The following PREX1 variants were observed in gnomAD, a reference collection of about 807,000 sequenced individuals.
The protein encoded by PREX1 is phosphatidylinositol-3,4,5-trisphosphate dependent Rac exchange factor 1, also known as phosphatidylinositol 3,4,5-trisphosphate-dependent Rac exchanger 1 protein.
PREX1 carries 41 observed loss-of-function variants against 198.3 expected under a neutral mutation model. The observed-to-expected ratio is 0.21, with a 90% CI of 0.16 to 0.27. The LOEUF is 0.27. Ranked by LOEUF, PREX1 falls within the 10% of genes least tolerant of loss-of-function variation. PREX1 has a pLI of 1.00. For missense variants in PREX1, 1,620 were observed against 2,200.7 expected (o/e 0.74, Z 5.28); for synonymous variants, 843 against 887.2 (o/e 0.95, Z 0.89).
the PREX1 span, among the ~76,000 whole-genome samples, chr20:48,862,790 A>AATATATATATATAT: frequency 3.6e-4 from 37 of 102,536 alleles, no homozygotes; most frequent in African/African-American, 1.3e-3. Flanking sequence ...TAAAAAAAAA[A>AATATATATATATAT]ATATATATAT....
At chr20:48,709,718 G>A (rs1431402070) in intron 5 of PREX1, among the ~76,000 whole-genome samples, 1 of 152,134 alleles carries the variant, frequency 6.6e-6, no homozygotes, top group Non-Finnish European at 1.5e-5. Flanking sequence ...GGTACTGTAG[G>A]AAAAGCACCA....
Position 48,653,208 on chromosome 20 carries a change from C to T in PREX1, c.2346+153G>A, listed in dbSNP as rs370388822. Reference sequence around the variant, plus strand: ...TTAAGGATGCAGCGGGAGCACAAAGCTCAGGCCCAGCTCCCTCTTGTTGGG... The same window carrying T: ...TTAAGGATGCAGCGGGAGCACAAAGTTCAGGCCCAGCTCCCTCTTGTTGGG... On this transcript the variant is annotated intron_variant, in intron 20 of 39. Transcript: ENST00000371941. 2.0e-5 allele frequency among the ~76,000 whole-genome samples: 3 copies of T among 152,292 alleles called. No individual in the cohort carries two copies. The South Asian group carries it at 6.2e-4, about 32-fold the overall frequency.
intron 3 of PREX1, among the ~76,000 whole-genome samples, chr20:48,743,601 A>C (rs556618935): frequency 1.6e-4 from 24 of 152,368 alleles, no homozygotes; most frequent in African/African-American, 5.8e-4. Flanking sequence ...CGCTATGTGA[A>C]TAGGAAGATA....
chr20:48,867,107 A>G, the PREX1 span, among the ~76,000 whole-genome samples: 2 of 152,200 alleles, frequency 1.3e-5, no homozygotes, highest in African/African-American at 4.8e-5. Context: ...CACAACCCCA[A>G]CAAGAAAAGG....
intron 5 of PREX1, among the ~76,000 whole-genome samples, chr20:48,716,749 G>T (rs767304483): frequency 6.6e-6 from 1 of 152,206 alleles, no homozygotes; most frequent in Non-Finnish European, 1.5e-5. Context: ...ATGCTGAGCC[G>T]GTGGGCCTCA....
chr20:48,808,166 C>T (rs983667019), intron 1 of PREX1, among the ~76,000 whole-genome samples: 1 of 152,160 alleles, frequency 6.6e-6, no homozygotes, highest in Admixed American at 6.5e-5. Context: ...GTGCTTCCTG[C>T]TCTGGGGCTG....
intron 1 of PREX1, among the ~76,000 whole-genome samples, chr20:48,813,920 T>C (rs1454819383): frequency 6.6e-6 from 1 of 152,226 alleles, no homozygotes; most frequent in Non-Finnish European, 1.5e-5. Flanking sequence ...ACACCTCCAC[T>C]GTATTTACTA....
In PREX1 at chr20:48,747,784, C is replaced by A. The variant is rs1463193519; in HGVS notation, c.291+25G>T. On this transcript the variant is annotated intron_variant, in intron 2 of 39. Transcript: ENST00000371941. ...ACAAAGCAACACAGATGCTCTAGAA[C>A]AGGGGCCAGCCCCAGCGTCCACACC... is the stretch of plus-strand genomic sequence containing the variant. The A allele has an allele frequency of 3.8e-6, 6 of 1,598,834 alleles. No homozygotes were observed. In the Admixed American group the frequency reaches 8.4e-5, roughly 22 times the overall value.
intron 39 of PREX1, among the ~76,000 whole-genome samples, chr20:48,626,871 T>C (rs2089276716): frequency 6.6e-6 from 1 of 152,228 alleles, no homozygotes; most frequent in South Asian, 2.1e-4. Flanking sequence ...GACAGCAAAC[T>C]AGGGCTGTGG....
intron 1 of PREX1, among the ~76,000 whole-genome samples, chr20:48,748,341 A>G (rs952804335): frequency 2.0e-5 from 3 of 152,126 alleles, no homozygotes; most frequent in African/African-American, 7.2e-5. Flanking sequence ...AAAAACAGAG[A>G]AAGTCTCTCT....
chr20:48,625,628 C>A lies in PREX1; in HGVS notation c.*257G>T, dbSNP rs1213477040. 8.3e-6 allele frequency: 4 copies of A among 484,470 alleles called. No individual in the cohort carries two copies. The East Asian group carries it at 1.5e-4, about 19-fold the overall frequency. The allele number at this position is 484,470 out of a possible 1,614,324, so 30.0% of individuals were successfully genotyped here. On this transcript the variant is annotated 3_prime_UTR_variant, in exon 40 of 40. Transcript: ENST00000371941. ...CAGGCACCAGCTGCTCCCATCAGCT[C>A]TATGGGTCTCCAGCACCCCTCCAGC...
At position 48,672,570 on chromosome 20, in the gene PREX1, C is replaced by T. The variant is rs117103055; in HGVS notation, c.1665+3623G>A. Among the ~76,000 whole-genome samples the T allele has an allele frequency of 2.9e-3, 436 of 152,366 alleles. 7 individuals carry two copies. In the East Asian group the frequency reaches 0.054, roughly 19 times the overall value. ...GGAGTGGACACAGCCTGGCATGGTG[C>T]GCCCACGCGGCTTCCTCGCCACTCC... is the stretch of plus-strand genomic sequence containing the variant. On this transcript the variant is annotated intron_variant, in intron 14 of 39. Coordinates refer to ENST00000371941, the MANE Select transcript of PREX1 (RefSeq NM_020820.4).
At chr20:48,767,846 C>T (rs968149015) in intron 1 of PREX1, among the ~76,000 whole-genome samples, 26 of 152,328 alleles carry the variant, frequency 1.7e-4, no homozygotes, top group African/African-American at 5.8e-4. Flanking sequence ...AGAGCCTCCC[C>T]TGACCATCCT....
chr20:48,881,053 A>G, the PREX1 span, among the ~76,000 whole-genome samples: 1 of 149,270 alleles, frequency 6.7e-6, no homozygotes, highest in Non-Finnish European at 1.5e-5. Context: ...CTCTACCCAC[A>G]GGTCTTTGTG....
intron 15 of PREX1, among the ~76,000 whole-genome samples, chr20:48,664,733 A>G (rs76863498): frequency 6.6e-6 from 1 of 152,032 alleles, no homozygotes; most frequent in African/African-American, 2.4e-5. Context: ...TTCTAATCCC[A>G]GCTCCAGACG....
At position 48,627,703 on chromosome 20, in the gene PREX1, C is replaced by G. The variant is rs549953183; in HGVS notation, c.4870-88G>C. 16 of 1,476,018 alleles carry G rather than the reference C, an allele frequency of 1.1e-5. No individual in the cohort carries two copies. In the South Asian group the frequency reaches 1.7e-4, roughly 16 times the overall value. The allele number at this position is 1,476,018 out of a possible 1,614,324, so 91.4% of individuals were successfully genotyped here. ...GGGGGGTGGGGGTGGGGCCCAGAAG[C>G]CCAAGGACCCAGAAGCTAAGATCCT... On this transcript the variant is annotated intron_variant, in intron 38 of 39. Coordinates refer to ENST00000371941, the MANE Select transcript of PREX1 (RefSeq NM_020820.4).
At chr20:48,657,965 C>T (rs2089558192) in intron 17 of PREX1, among the ~76,000 whole-genome samples, 171 bp downstream of exon 17, 1 of 152,224 alleles carries the variant, frequency 6.6e-6, no homozygotes, top group Non-Finnish European at 1.5e-5. Context: ...GCTACTGTAG[C>T]CACTGCAGAC....
At chr20:48,818,414 G>A (rs1048654507) in intron 1 of PREX1, among the ~76,000 whole-genome samples, 1 of 152,190 alleles carries the variant, frequency 6.6e-6, no homozygotes, top group African/African-American at 2.4e-5. Context: ...GGTCTTGTGC[G>A]ACATTCCAGG....
chr20:48,639,250 A>G (rs2089390042), intron 30 of PREX1, among the ~76,000 whole-genome samples: 1 of 152,214 alleles, frequency 6.6e-6, no homozygotes, highest in African/African-American at 2.4e-5. Context: ...CTGGGCCTAG[A>G]GTCACCAGAT....
Sources: allele counts gnomAD v4.1 joint callset (sites outside exome capture counted in the v4.1 genomes callset), GRCh38; gene constraint gnomAD v4.1.1; transcripts MANE v1.5; gene names NCBI Gene and HGNC (gene_info 2026-07-23, HGNC 2026-07-21).